The following GRHL2 variants were observed in gnomAD, a reference collection of about 807,000 sequenced individuals.
The protein encoded by GRHL2 is grainyhead-like protein 2 homolog.
A neutral mutation model predicts 83.8 loss-of-function variants in GRHL2; 21 were observed. The ratio of observed to expected loss-of-function variants is 0.25; its 90% CI spans 0.18 to 0.36. The LOEUF is 0.36. GRHL2 is among the 10% of genes least tolerant of loss of function. The probability of loss-of-function intolerance (pLI) is 1.00; values close to 1 mark genes in which losing one functional copy is unlikely to be tolerated. For synonymous variants in GRHL2, 280 were observed against 278.9 expected (o/e 1.00, Z -0.04); for missense variants, 623 against 781.8 (o/e 0.80, Z 2.42).
Position 101,614,456 on chromosome 8 carries a change from A to C in GRHL2, c.1099-5083A>C, listed in dbSNP as rs143323489. 2.5e-3 allele frequency among the ~76,000 whole-genome samples: 376 copies of C among 147,850 alleles called. 30 individuals carry two copies. The highest frequency in any genetic ancestry group is 8.8e-3 in the African/African-American group (332 of 37,862). Reference sequence around the variant, plus strand: ...AACAAGTAAGAGAGGTTTTAAAAATATTATATGAGCATTTGTAACTTTCTT... The same window carrying C: ...AACAAGTAAGAGAGGTTTTAAAAATCTTATATGAGCATTTGTAACTTTCTT... On this transcript the variant is annotated intron_variant, in intron 8 of 15. Transcript: ENST00000646743.
chr8:101,568,892 G>T (rs1285265066), intron 4 of GRHL2, among the ~76,000 whole-genome samples: 1 of 152,154 alleles, frequency 6.6e-6, no homozygotes, highest in Non-Finnish European at 1.5e-5. Context: ...AGTAAGATTG[G>T]ATAAAAAGAA....
chr8:101,675,972 T>C, the GRHL2 span, among the ~76,000 whole-genome samples: 5 of 152,292 alleles, frequency 3.3e-5, no homozygotes, highest in Admixed American at 6.5e-5. Context: ...GGATTCCCTA[T>C]TTAACAAATG....
At chr8:101,597,748 T>G (rs571219729) in intron 7 of GRHL2, among the ~76,000 whole-genome samples, 4 of 151,368 alleles carry the variant, frequency 2.6e-5, no homozygotes, top group Non-Finnish European at 4.4e-5. Context: ...AGTTAATGGG[T>G]GCAGCACACC....
chr8:101,507,027 C>G (rs1229875188), intron 1 of GRHL2, among the ~76,000 whole-genome samples: 3 of 152,198 alleles, frequency 2.0e-5, no homozygotes, highest in Admixed American at 2.0e-4. Context: ...CTGTGCTCCC[C>G]TCTGGCGTCT....
chr8:101,603,675 G>A (rs187153717), intron 8 of GRHL2, among the ~76,000 whole-genome samples: 4 of 152,326 alleles, frequency 2.6e-5, no homozygotes, highest in Admixed American at 6.5e-5. Context: ...CCCAAAACCC[G>A]TTTTGCTGGT....
At chr8:101,652,574 GGTGTGTGTGGTGTCTGT>G (rs1813690725) in intron 14 of GRHL2, among the ~76,000 whole-genome samples, 1 of 87,820 alleles carries the variant, frequency 1.1e-5, no homozygotes, top group Non-Finnish European at 2.2e-5. Context: ...GTGTGTGTGT[GGTGTGTGTGGTGTCTGT>G]GTGTGTGTGG....
chr8:101,632,189 G>T, intron 10 of GRHL2, 37 bp from the exon 11 acceptor site: 1 of 1,612,280 alleles, frequency 6.2e-7, no homozygotes, highest in South Asian at 1.1e-5. Context: ...AGTCATATAT[G>T]ACTCTCTCAT....
At chr8:101,608,397 C>T (rs1167813995) in intron 8 of GRHL2, among the ~76,000 whole-genome samples, 1 of 152,198 alleles carries the variant, frequency 6.6e-6, no homozygotes, top group East Asian at 1.9e-4. Context: ...TGCGCACCCA[C>T]TGCATATCAG....
At chr8:101,555,651 A>G (rs1259402684) in intron 3 of GRHL2, among the ~76,000 whole-genome samples, 1 of 151,894 alleles carries the variant, frequency 6.6e-6, no homozygotes, top group East Asian at 1.9e-4. Context: ...ATACAGGTTC[A>G]CTCTATTGAT....
At chr8:101,639,500 G>A (rs1391705897) in intron 12 of GRHL2, among the ~76,000 whole-genome samples, 1 of 152,236 alleles carries the variant, frequency 6.6e-6, no homozygotes, top group Non-Finnish European at 1.5e-5. Flanking sequence ...AAGACACACA[G>A]CTGGTAAGTG....
intron 9 of GRHL2, among the ~76,000 whole-genome samples, chr8:101,628,565 C>T (rs915124116): frequency 1.3e-5 from 2 of 152,052 alleles, no homozygotes; most frequent in Non-Finnish European, 2.9e-5. Context: ...TCTGATTTTC[C>T]AGTCTTTTTA....
intron 1 of GRHL2, among the ~76,000 whole-genome samples, chr8:101,535,978 TG>T (rs1380425049): frequency 6.6e-6 from 1 of 152,214 alleles, no homozygotes; most frequent in Non-Finnish European, 1.5e-5. Flanking sequence ...GGGAAAATCC[TG>T]GAAAATTTTC....
At chr8:101,633,381 T>C (rs1286665970) in intron 11 of GRHL2, among the ~76,000 whole-genome samples, 2 of 152,198 alleles carry the variant, frequency 1.3e-5, no homozygotes, top group South Asian at 2.1e-4. Flanking sequence ...TACTGACACA[T>C]TTAAGTTTTT....
At chr8:101,615,222 G>T (rs972590065) in intron 8 of GRHL2, among the ~76,000 whole-genome samples, 1 of 152,116 alleles carries the variant, frequency 6.6e-6, no homozygotes, top group Non-Finnish European at 1.5e-5. Flanking sequence ...ATAGCATATT[G>T]CCAGTAAGCA....
intron 1 of GRHL2, among the ~76,000 whole-genome samples, chr8:101,510,698 C>A (rs1449802575): frequency 1.3e-5 from 2 of 152,158 alleles, no homozygotes; most frequent in African/African-American, 4.8e-5. Flanking sequence ...TTCTCTCCTA[C>A]CACTTTCAAT....
chr8:101,506,452 CTT>C (rs948323223), intron 1 of GRHL2, among the ~76,000 whole-genome samples: 2 of 152,038 alleles, frequency 1.3e-5, no homozygotes, highest in African/African-American at 2.4e-5. Context: ...TTATGATTCT[CTT>C]TTTTACATCA....
chr8:101,555,476 ACT>A (rs1811471722), intron 3 of GRHL2, among the ~76,000 whole-genome samples: 1 of 149,722 alleles, frequency 6.7e-6, no homozygotes, highest in Admixed American at 6.6e-5. Context: ...TTCATGATGG[ACT>A]CTTTTTTTGT....
At chr8:101,554,202 G>T (rs755254018) in intron 3 of GRHL2, among the ~76,000 whole-genome samples, 2 of 152,170 alleles carry the variant, frequency 1.3e-5, no homozygotes, top group Non-Finnish European at 2.9e-5. Context: ...AAGGCTGCCT[G>T]CATCTGAGTC....
At position 101,558,579 on chromosome 8, in the gene GRHL2, A is replaced by G; in HGVS notation, c.445A>G (p.Ile149Val). Reference protein sequence around the residue: ...YSISFPESSAIIPVSGITVVK... With the variant: ...YSISFPESSAVIPVSGITVVK... Reference sequence around the variant, plus strand: ...CATCAGCTTCCCCGAGAGCTCTGCCATCATCCCGGTGTCGGGAATCACGGT... The same window carrying G: ...CATCAGCTTCCCCGAGAGCTCTGCCGTCATCCCGGTGTCGGGAATCACGGT... The change falls in exon 4 of 16, where the codon ATC (isoleucine) becomes GTC (valine). Residue 149 changes from isoleucine to valine, a missense_variant. Physicochemically the swap from Ile to Val is conservative, Grantham distance 29 (BLOSUM62 3). Coordinates refer to ENST00000646743, the MANE Select transcript of GRHL2 (RefSeq NM_024915.4). 1 of 1,614,144 alleles carries G rather than the reference A, an allele frequency of 6.2e-7. No individual in the cohort carries two copies. Among genetic ancestry groups the G allele is most frequent in the Non-Finnish European group, 8.5e-7 (1 of 1,180,018 alleles).
Sources: gnomAD v4.1 joint callset for allele counts (sites outside exome capture counted in the v4.1 genomes callset) on GRCh38, gnomAD v4.1.1 for gene constraint, MANE v1.5 for transcripts, NCBI Gene and HGNC (gene_info 2026-07-23, HGNC 2026-07-21) for gene names.